RAPGEF2: variants seen among roughly 807,000 people sequenced by gnomAD.
RAPGEF2 encodes the protein PDZ domain containing guanine nucleotide exchange factor (GEF) 1.
Under a neutral mutation model 186.7 loss-of-function variants are expected in RAPGEF2, and 54 were observed. The observed-to-expected ratio is 0.29, with a 90% CI of 0.23 to 0.36. RAPGEF2 has a LOEUF of 0.36. Among genes scored for constraint, RAPGEF2 ranks in the 10% least tolerant of loss-of-function variants. RAPGEF2 has a pLI of 1.00. For synonymous variants in RAPGEF2, 712 were observed against 705.9 expected (o/e 1.01, Z -0.14); for missense variants, 1,532 against 2,045.0 (o/e 0.75, Z 4.84).
chr4:159,243,484 G>T (rs1754257620), intron 6 of RAPGEF2, among the ~76,000 whole-genome samples: 1 of 151,908 alleles, frequency 6.6e-6, no homozygotes. Flanking sequence ...ATTCTTAACA[G>T]AAATAGTTCT....
intron 26 of RAPGEF2, chr4:159,351,024 G>C: frequency 6.6e-7 from 1 of 1,509,142 alleles, no homozygotes; most frequent in Non-Finnish European, 8.9e-7. Context: ...TTGTTACATG[G>C]ATGCATCTCA....
At chr4:159,154,726 A>G (rs902293791) in intron 1 of RAPGEF2, among the ~76,000 whole-genome samples, 1 of 152,174 alleles carries the variant, frequency 6.6e-6, no homozygotes, top group Non-Finnish European at 1.5e-5. Flanking sequence ...CTCTTGAATC[A>G]GAGACATAGA....
chr4:159,258,545 G>C (rs1756449291), intron 7 of RAPGEF2, among the ~76,000 whole-genome samples: 1 of 152,080 alleles, frequency 6.6e-6, no homozygotes. Flanking sequence ...TATAATTACT[G>C]TCACTTTCTT....
At chr4:159,268,458 C>T (rs1757705572) in intron 7 of RAPGEF2, among the ~76,000 whole-genome samples, 1 of 152,120 alleles carries the variant, frequency 6.6e-6, no homozygotes. Flanking sequence ...AAATATTGGG[C>T]AGCTAATTTT....
chr4:159,296,809 C>A (rs7654019), intron 7 of RAPGEF2, among the ~76,000 whole-genome samples: 93,151 of 152,028 alleles, frequency 0.61, 29,843 homozygotes, highest in African/African-American at 0.77. Context: ...ATCACATTGA[C>A]GTATTCCTCT....
In RAPGEF2 at chr4:159,347,134, A is replaced by G. The variant is rs980023074; in HGVS notation, c.3712+136A>G. The G allele has an allele frequency of 7.8e-5, 65 of 834,052 alleles. No individual in the cohort carries two copies. In the Middle Eastern group the frequency reaches 2.2e-3, roughly 28 times the overall value. The allele number at this position is 834,052 out of a possible 1,614,324, so 51.7% of individuals were successfully genotyped here. On this transcript the variant is annotated intron_variant, in intron 25 of 29. Transcript: ENST00000691494. ...TGTAATTATTAGCTCCTAATAAAACATGAACACTCAGCAAGTTAAACCTGA... is the reference window on the plus strand; with the variant it reads ...TGTAATTATTAGCTCCTAATAAAACGTGAACACTCAGCAAGTTAAACCTGA...
intron 29 of RAPGEF2, among the ~76,000 whole-genome samples, chr4:159,357,770 A>T (rs2111361268): frequency 6.6e-6 from 1 of 152,340 alleles, no homozygotes; most frequent in African/African-American, 2.4e-5. Flanking sequence ...AAATGTTGTT[A>T]TATATTCTAG....
chr4:159,248,998 G>A (rs1465874400), intron 7 of RAPGEF2, among the ~76,000 whole-genome samples: 1 of 152,096 alleles, frequency 6.6e-6, no homozygotes, highest in Admixed American at 6.5e-5. Flanking sequence ...CCCATCTTTT[G>A]GTTGCACTTG....
intron 3 of RAPGEF2, among the ~76,000 whole-genome samples, chr4:159,203,516 CA>C (rs1337762274): frequency 6.6e-6 from 1 of 152,088 alleles, no homozygotes; most frequent in South Asian, 2.1e-4. Flanking sequence ...TGGAATATAC[CA>C]AAACACTTCT....
intron 1 of RAPGEF2, among the ~76,000 whole-genome samples, chr4:159,120,629 A>G (rs951519659): frequency 1.3e-5 from 2 of 152,228 alleles, no homozygotes; most frequent in African/African-American, 4.8e-5. Context: ...GCTAATGTCT[A>G]GAAATTTTAC....
At chr4:159,215,760 A>C (rs1750939009) in intron 4 of RAPGEF2, among the ~76,000 whole-genome samples, 1 of 152,180 alleles carries the variant, frequency 6.6e-6, no homozygotes, top group South Asian at 2.1e-4. Flanking sequence ...TTATGTGGTG[A>C]CCAGGTAGGG....
intron 1 of RAPGEF2, among the ~76,000 whole-genome samples, chr4:159,156,452 AT>A (rs926305857): frequency 2.2e-4 from 33 of 149,008 alleles, no homozygotes; most frequent in East Asian, 3.9e-4. Flanking sequence ...TTTGTATGTA[AT>A]TTTTTTTTTA....
intron 1 of RAPGEF2, among the ~76,000 whole-genome samples, chr4:159,165,581 A>G (rs917404575): frequency 6.6e-6 from 1 of 152,166 alleles, no homozygotes; most frequent in African/African-American, 2.4e-5. Context: ...TCATTTTAGC[A>G]TGTTGGATAC....
chr4:159,203,824 A>G lies in RAPGEF2; in HGVS notation c.198-6676A>G, dbSNP rs763938207. Among the ~76,000 whole-genome samples the G allele has an allele frequency of 2.0e-5, 3 of 152,238 alleles. 1 individual carries two copies. Among genetic ancestry groups the G allele is most frequent in the Admixed American group, 6.5e-5 (1 of 15,288 alleles). On this transcript the variant is annotated intron_variant, in intron 3 of 29. Coordinates refer to ENST00000691494, the MANE Select transcript of RAPGEF2 (RefSeq NM_001394067.2). ...GTTACCATCATGCAAGGTACTGCAT[A>G]TATATTGTTTCATTAAATAAAAGGA...
At chr4:159,104,317 A>G in intron 1 of RAPGEF2, 86 bp downstream of exon 1, 2 of 531,714 alleles carry the variant, frequency 3.8e-6, no homozygotes, top group African/African-American at 2.2e-5. Context: ...CCTTCCTGAC[A>G]CAGTTCGCCC....
chr4:159,170,987 T>G (rs1745856483), intron 1 of RAPGEF2, among the ~76,000 whole-genome samples: 1 of 152,220 alleles, frequency 6.6e-6, no homozygotes, highest in African/African-American at 2.4e-5. Context: ...TCTTGGTACC[T>G]TTTTTGAGAA....
intron 25 of RAPGEF2, among the ~76,000 whole-genome samples, chr4:159,348,773 T>C (rs1277044590): frequency 6.6e-6 from 1 of 152,228 alleles, no homozygotes; most frequent in Admixed American, 6.5e-5. Flanking sequence ...GCTCTCAAAA[T>C]GTCTTTAGTT....
At chr4:159,339,490 T>G (rs1767923884) in intron 19 of RAPGEF2, 136 bp downstream of exon 19, 4 of 1,198,596 alleles carry the variant, frequency 3.3e-6, no homozygotes, top group Admixed American at 2.4e-5. Context: ...TTGTTGTTTT[T>G]TTTTTCCTTT....
intron 1 of RAPGEF2, among the ~76,000 whole-genome samples, chr4:159,113,742 A>C (rs1212729128): frequency 3.6e-5 from 1 of 27,700 alleles, no homozygotes; most frequent in South Asian, 1.8e-3. Context: ...CTCTGTCTCA[A>C]AAAAAAAAAA....
Sources: gnomAD v4.1 joint callset for allele counts (sites outside exome capture counted in the v4.1 genomes callset) on GRCh38, gnomAD v4.1.1 for gene constraint, MANE v1.5 for transcripts, NCBI Gene and HGNC (gene_info 2026-07-23, HGNC 2026-07-21) for gene names.